MYH10: variants seen among roughly 807,000 people sequenced by gnomAD.
MYH10 encodes myosin-10.
A neutral mutation model predicts 257.8 loss-of-function variants in MYH10; 55 were observed. That is an observed-to-expected ratio of 0.21 (90% confidence interval 0.17 to 0.27). The LOEUF (loss-of-function observed/expected upper bound fraction) is 0.27, where lower values mean the gene tolerates loss of function less well. Among genes scored for constraint, MYH10 ranks in the 10% least tolerant of loss-of-function variants. The pLI is 1.00. For missense variants in MYH10, 1,631 were observed against 2,500.6 expected (o/e 0.65, Z 7.42); for synonymous variants, 854 against 921.7 (o/e 0.93, Z 1.33).
intron 29 of MYH10, 54 bp downstream of exon 29, chr17:8,500,772 G>A (rs1485941486): frequency 6.3e-7 from 1 of 1,585,416 alleles, no homozygotes; most frequent in African/African-American, 1.4e-5. Flanking sequence ...GGATGGGAGT[G>A]GCTCTGACGA....
intron 6 of MYH10, among the ~76,000 whole-genome samples, chr17:8,572,236 G>C (rs28396416): frequency 8.2e-5 from 7 of 84,904 alleles, no homozygotes; most frequent in African/African-American, 2.6e-4. Context: ...CTCTGTGTGT[G>C]TGTGTGTGTG....
At position 8,521,143 on chromosome 17, in the gene MYH10, T is replaced by C; in HGVS notation, c.2100A>G (p.Arg700=). 1 of 1,614,278 alleles carries C rather than the reference T, an allele frequency of 6.2e-7. No individual in the cohort carries two copies. The highest frequency in any genetic ancestry group is 8.5e-7 in the Non-Finnish European group (1 of 1,180,044). ...AACGAACAAAGTTAGGGTTGGTGTT[T>C]CGGAGAGTTGCCATCAGCTTGGTGA... ...ESLTKLMATL[R]NTNPNFVRCI... is the part of the protein sequence containing the mutation. The change falls in exon 18 of 43, where the codon CGA becomes CGG. Residue 700 remains arginine, a synonymous_variant. Transcript: ENST00000360416.
intron 4 of MYH10, among the ~76,000 whole-genome samples, chr17:8,586,381 T>A (rs1285310757): frequency 6.6e-6 from 1 of 152,274 alleles, no homozygotes; most frequent in East Asian, 1.9e-4. Flanking sequence ...CCTCCCAACA[T>A]AAACAGTATA....
intron 4 of MYH10, among the ~76,000 whole-genome samples, chr17:8,587,533 T>C (rs1456916454): frequency 1.3e-5 from 2 of 152,096 alleles, no homozygotes; most frequent in Non-Finnish European, 2.9e-5. Context: ...CCACCCCTAC[T>C]TACCCGCATT....
At chr17:8,605,742 CACAA>C (rs537193543) in intron 2 of MYH10, among the ~76,000 whole-genome samples, 93 of 152,092 alleles carry the variant, frequency 6.1e-4, no homozygotes, top group African/African-American at 1.3e-3. Flanking sequence ...GAGACTCCAT[CACAA>C]ACAAACAAAC....
At chr17:8,611,929 A>G (rs908061708) in intron 2 of MYH10, among the ~76,000 whole-genome samples, 2 of 152,250 alleles carry the variant, frequency 1.3e-5, no homozygotes, top group African/African-American at 4.8e-5. Flanking sequence ...AGCTGAATGC[A>G]GTAGTGCCCC....
At chr17:8,554,069 A>G in intron 7 of MYH10, 51 bp from the exon 8 acceptor site, 1 of 1,238,774 alleles carries the variant, frequency 8.1e-7, no homozygotes, top group Non-Finnish European at 1.2e-6. Context: ...TACATACTGG[A>G]TATGAACACT....
At position 8,506,597 on chromosome 17, in the gene MYH10, G is replaced by C. The variant is rs2081080450; in HGVS notation, c.3215-108C>G. ...TGAAAATAAGCCATTTTATTCAAAA[G>C]CATGTCACTGCCCTGATGACATGGT... On this transcript the variant is annotated intron_variant, in intron 26 of 42. Coordinates refer to ENST00000360416, the MANE Select transcript of MYH10 (RefSeq NM_001256012.3). The surrounding 1 kb of genome is among the most constrained non-coding windows in gnomAD (Gnocchi z 5.0). 1 of 1,151,722 alleles carries C rather than the reference G, an allele frequency of 8.7e-7. No homozygotes were observed. The highest frequency in any genetic ancestry group is 1.4e-5 in the South Asian group (1 of 70,744). The allele number at this position is 1,151,722 out of a possible 1,614,324, so 71.3% of individuals were successfully genotyped here.
chr17:8,480,745 T>C, intron 38 of MYH10: 1 of 621,434 alleles, frequency 1.6e-6, no homozygotes, highest in African/African-American at 1.8e-5. Context: ...GCCTGTCATC[T>C]CTCACCTGGA....
chr17:8,495,398 G>A (rs973248307), intron 30 of MYH10, among the ~76,000 whole-genome samples, 157 bp from the exon 31 acceptor site: 27 of 152,142 alleles, frequency 1.8e-4, no homozygotes, highest in African/African-American at 6.5e-4. Context: ...AGAGTCTGTT[G>A]CCTTCAAACG....
chr17:8,629,612 C>T (rs2085824153), intron 1 of MYH10, among the ~76,000 whole-genome samples: 1 of 152,162 alleles, frequency 6.6e-6, no homozygotes, highest in Non-Finnish European at 1.5e-5. Flanking sequence ...CTTCAACTTC[C>T]CTCCGAACCA....
At chr17:8,587,910 T>C (rs1333478199) in intron 4 of MYH10, among the ~76,000 whole-genome samples, 1 of 152,138 alleles carries the variant, frequency 6.6e-6, no homozygotes, top group Non-Finnish European at 1.5e-5. Context: ...CTGGCTTCTC[T>C]ACCTCTTCGC....
chr17:8,490,175 AT>A lies in MYH10; in HGVS notation c.4884+164del. The A allele has an allele frequency of 1.6e-6, 1 of 622,224 alleles. No homozygotes were observed. Among genetic ancestry groups the A allele is most frequent in the Non-Finnish European group, 2.8e-6 (1 of 361,694 alleles). 38.5% of individuals were successfully genotyped at this position (622,224 alleles called of 1,614,324 possible). A position where few individuals can be genotyped will look rare whatever the true frequency, so the allele number is the denominator to read the frequency against. ...TAAGACCTAAACTAATTACAATAAA[AT>A]TTAAATAATAAAATTCTCAAATGAC... is the stretch of plus-strand genomic sequence containing the variant. On this transcript the variant is annotated intron_variant, in intron 35 of 42. Transcript: ENST00000360416. The surrounding 1 kb of genome is among the most constrained non-coding windows in gnomAD (Gnocchi z 4.1).
chr17:8,577,157 G>A (rs2083529595), intron 5 of MYH10, 79 bp downstream of exon 5: 1 of 1,149,928 alleles, frequency 8.7e-7, no homozygotes, highest in African/African-American at 1.5e-5. Context: ...AGTGTGGAGA[G>A]TAGACTGGCT....
rs61548052 is a variant in MYH10, at chr17:8,501,298, A to C, written c.3600-328T>G. On this transcript the variant is annotated intron_variant, in intron 28 of 42. Transcript: ENST00000360416. ...AGTGAGACCCTATCTTTAAAAAAAA[A>C]CCAAAAAAACAAACAACCAGTGCAA... is the stretch of plus-strand genomic sequence containing the variant. Among the ~76,000 whole-genome samples the C allele has an allele frequency of 4.2e-3, 632 of 152,136 alleles. 2 individuals carry two copies. The highest frequency in any genetic ancestry group is 0.014 in the African/African-American group (590 of 41,476).
intron 28 of MYH10, among the ~76,000 whole-genome samples, chr17:8,502,954 C>T (rs2080947585): frequency 6.6e-6 from 1 of 152,176 alleles, no homozygotes; most frequent in Non-Finnish European, 1.5e-5. Context: ...AAGAGAAGCC[C>T]AGGACTTAAA....
At chr17:8,558,148 T>C (rs2082869937) in intron 7 of MYH10, among the ~76,000 whole-genome samples, 2 of 152,236 alleles carry the variant, frequency 1.3e-5, no homozygotes, top group Non-Finnish European at 2.9e-5. Context: ...TTTGGATTTT[T>C]GTTTTAATAG....
chr17:8,530,932 T>C (rs2081988403), intron 16 of MYH10, among the ~76,000 whole-genome samples: 1 of 152,240 alleles, frequency 6.6e-6, no homozygotes, highest in African/African-American at 2.4e-5. Flanking sequence ...CATTATATGA[T>C]ATCAATGTCA....
intron 2 of MYH10, among the ~76,000 whole-genome samples, chr17:8,621,516 T>C (rs1029763772): frequency 2.6e-5 from 4 of 151,964 alleles, no homozygotes; most frequent in Non-Finnish European, 2.9e-5. Context: ...CCAGGCAAAA[T>C]TGCGGTCACC....
Sources: gnomAD v4.1 joint callset for allele counts (sites outside exome capture counted in the v4.1 genomes callset) on GRCh38, gnomAD v4.1.1 for gene constraint, Gnocchi (gnomAD v3.1) non-coding constraint, MANE v1.5 for transcripts, NCBI Gene and HGNC (gene_info 2026-07-23, HGNC 2026-07-21) for gene names.